CDH8: variants seen among roughly 807,000 people sequenced by gnomAD.
CDH8 encodes the protein cadherin-8.
Under a neutral mutation model 68.1 loss-of-function variants are expected in CDH8, and 17 were observed. The ratio of observed to expected loss-of-function variants is 0.25; its 90% CI spans 0.17 to 0.37. The LOEUF (loss-of-function observed/expected upper bound fraction) is 0.37, where lower values mean the gene tolerates loss of function less well. Ranked by LOEUF, CDH8 falls within the 10% of genes least tolerant of loss-of-function variation. The pLI is 1.00. For synonymous variants in CDH8, 372 were observed against 365.1 expected (o/e 1.02, Z -0.21); for missense variants, 763 against 999.3 (o/e 0.76, Z 3.19).
At chr16:61,679,067 C>T (rs1002945594) in intron 10 of CDH8, among the ~76,000 whole-genome samples, 3 of 152,026 alleles carry the variant, frequency 2.0e-5, no homozygotes, top group Non-Finnish European at 1.5e-5. Flanking sequence ...GTGTGGTTAT[C>T]TTATTTGCTT....
chr16:61,916,624 T>C (rs181064790), intron 2 of CDH8, among the ~76,000 whole-genome samples: 1 of 152,172 alleles, frequency 6.6e-6, no homozygotes, highest in East Asian at 1.9e-4. Flanking sequence ...CTTTTTTGTA[T>C]TGATTAGATA....
chr16:61,941,157 A>G (rs914902378), intron 2 of CDH8, among the ~76,000 whole-genome samples: 1 of 152,218 alleles, frequency 6.6e-6, no homozygotes, highest in African/African-American at 2.4e-5. Flanking sequence ...GGCAAATTGC[A>G]TTCATCTTTT....
chr16:61,773,802 T>C (rs946646048), intron 8 of CDH8, among the ~76,000 whole-genome samples: 2 of 152,134 alleles, frequency 1.3e-5, no homozygotes, highest in Non-Finnish European at 2.9e-5. Context: ...ACAAATAGCA[T>C]AACCTTTGAA....
intron 10 of CDH8, among the ~76,000 whole-genome samples, chr16:61,702,345 C>T (rs1172932519): frequency 6.6e-6 from 1 of 151,194 alleles, no homozygotes; most frequent in Non-Finnish European, 1.5e-5. Context: ...GCACTCCAGC[C>T]TGGGCGACAG....
intron 2 of CDH8, among the ~76,000 whole-genome samples, chr16:61,982,500 T>G (rs925531597): frequency 2.6e-5 from 4 of 152,130 alleles, no homozygotes; most frequent in Non-Finnish European, 5.9e-5. Context: ...ATTACAGGCG[T>G]GAACCACCGC....
At chr16:61,784,942 G>T (rs558787708) in intron 8 of CDH8, among the ~76,000 whole-genome samples, 1 of 151,906 alleles carries the variant, frequency 6.6e-6, no homozygotes, top group Admixed American at 6.6e-5. Context: ...AAAGCAGTGT[G>T]TAGAGGGAAA....
At chr16:61,932,626 T>G (rs1964563645) in intron 2 of CDH8, among the ~76,000 whole-genome samples, 1 of 152,314 alleles carries the variant, frequency 6.6e-6, no homozygotes, top group Admixed American at 6.5e-5. Context: ...ATTTATTATT[T>G]TAAAAAGCAG....
chr16:61,724,578 T>C (rs116429450), intron 9 of CDH8, among the ~76,000 whole-genome samples: 1,605 of 150,826 alleles, frequency 0.011, 29 homozygotes, highest in African/African-American at 0.034. Context: ...GAGTTTAGCC[T>C]TAAATCCACA....
intron 8 of CDH8, among the ~76,000 whole-genome samples, chr16:61,735,943 C>G (rs776964601): frequency 6.6e-6 from 1 of 151,660 alleles, no homozygotes; most frequent in Non-Finnish European, 1.5e-5. Flanking sequence ...CATGTTGGCA[C>G]GCACCTGTAG....
At chr16:61,879,037 C>T (rs1406987171) in intron 3 of CDH8, among the ~76,000 whole-genome samples, 1 of 152,052 alleles carries the variant, frequency 6.6e-6, no homozygotes, top group African/African-American at 2.4e-5. Context: ...CATGTCCTGC[C>T]TAAATTTATA....
At chr16:62,018,497 A>C (rs1486766263) in intron 2 of CDH8, among the ~76,000 whole-genome samples, 1 of 152,146 alleles carries the variant, frequency 6.6e-6, no homozygotes, top group Non-Finnish European at 1.5e-5. Context: ...AAAACACTAA[A>C]GCACCGGTGG....
At chr16:61,857,949 C>A (rs1185929138) in intron 3 of CDH8, among the ~76,000 whole-genome samples, 1 of 151,844 alleles carries the variant, frequency 6.6e-6, no homozygotes. Flanking sequence ...AGTTAAAGAG[C>A]AAACCTATAC....
intron 8 of CDH8, among the ~76,000 whole-genome samples, chr16:61,773,310 A>C (rs948842822): frequency 1.3e-5 from 2 of 151,970 alleles, no homozygotes; most frequent in African/African-American, 4.8e-5. Context: ...TTTTGTGTGA[A>C]TGATTTGCTA....
At chr16:61,664,240 A>T (rs1034974537) in intron 10 of CDH8, among the ~76,000 whole-genome samples, 1 of 151,998 alleles carries the variant, frequency 6.6e-6, no homozygotes, top group African/African-American at 2.4e-5. Flanking sequence ...TGTCCCCAAT[A>T]TCTCCAGATA....
intron 4 of CDH8, among the ~76,000 whole-genome samples, chr16:61,836,339 T>C (rs1962568564): frequency 6.6e-6 from 1 of 152,024 alleles, no homozygotes; most frequent in Admixed American, 6.6e-5. Context: ...TTAACCTCTC[T>C]GAGTCCATGA....
chr16:61,760,283 T>TTTTATTTA (rs138123289), intron 8 of CDH8, among the ~76,000 whole-genome samples: 12,848 of 146,246 alleles, frequency 0.088, 855 homozygotes, highest in African/African-American at 0.18. Flanking sequence ...TGGAAGAAAA[T>TTTTATTTA]TTTATTTATT....
chr16:61,711,033 A>G (rs1478016484), intron 10 of CDH8, among the ~76,000 whole-genome samples: 2 of 151,912 alleles, frequency 1.3e-5, no homozygotes, highest in Non-Finnish European at 2.9e-5. Context: ...ATGTGGTATA[A>G]AAGGTTCACT....
chr16:61,780,965 G>A (rs2142992226), intron 8 of CDH8, among the ~76,000 whole-genome samples: 1 of 152,250 alleles, frequency 6.6e-6, no homozygotes, highest in African/African-American at 2.4e-5. Context: ...AAAGAAATCT[G>A]CAAAAATTCA....
chr16:61,988,368 T>A (rs1018588932), intron 2 of CDH8, among the ~76,000 whole-genome samples: 2 of 152,218 alleles, frequency 1.3e-5, no homozygotes, highest in African/African-American at 4.8e-5. Flanking sequence ...AGAATTAATA[T>A]GCAAGTCAGC....
Sources: gnomAD v4.1 joint callset for allele counts (sites outside exome capture counted in the v4.1 genomes callset) on GRCh38, gnomAD v4.1.1 for gene constraint, MANE v1.5 for transcripts, NCBI Gene and HGNC (gene_info 2026-07-23, HGNC 2026-07-21) for gene names.